The following SLC16A13 variants were observed in gnomAD, a reference collection of about 807,000 sequenced individuals.
SLC16A13 encodes the protein monocarboxylate transporter 13.
Under a neutral mutation model 28.1 loss-of-function variants are expected in SLC16A13, and 28 were observed. The ratio of observed to expected loss-of-function variants is 1.00; its 90% confidence interval spans 0.74 to 1.37. SLC16A13 has a LOEUF of 1.37. Ranked by LOEUF, SLC16A13 falls within the 40% of genes most tolerant of loss-of-function variation. The probability of loss-of-function intolerance (pLI) is 0.00; values close to 1 mark genes in which losing one functional copy is unlikely to be tolerated. For synonymous variants in SLC16A13, 228 were observed against 241.6 expected, an observed-to-expected ratio of 0.94 and a Z score of 0.52; for missense variants, 482 against 531.8, an observed-to-expected ratio of 0.91 and a Z score of 0.92.
At position 7,038,192 on chromosome 17, in the gene SLC16A13, C is replaced by T. The variant is rs1274070855; in HGVS notation, c.384C>T (p.Cys128=). The change falls in exon 3 of 4, where the codon TGC becomes TGT. Residue 128 remains cysteine (C), a synonymous_variant. Coordinates refer to ENST00000308027, the MANE Select transcript of SLC16A13 (RefSeq NM_201566.3). The surrounding 1 kb of genome is among the most constrained non-coding windows in gnomAD (Gnocchi z 5.7). ...TGACCTTCGCTCCGACCCTGGCCTG[C>T]CTGTCCTGTTATTTCTCTCGCCGAC... ...WALTFAPTLA[C]LSCYFSRRRS... The T allele has an allele frequency of 6.2e-7, 1 of 1,614,022 alleles. No homozygotes were observed. Among genetic ancestry groups the T allele is most frequent in the East Asian group, 2.2e-5 (1 of 44,890 alleles).
At chr17:7,037,965 G>A (rs1673171656) in intron 2 of SLC16A13, among the ~76,000 whole-genome samples, 187 bp from the exon 3 acceptor site, 1 of 152,212 alleles carries the variant, frequency 6.6e-6, no homozygotes, top group South Asian at 2.1e-4. Flanking sequence ...AGTTGAGAAG[G>A]TTGAGGCTGG....
In SLC16A13 at chr17:7,039,704, A is replaced by G; in HGVS notation, c.1082-59A>G. 1.3e-6 allele frequency: 2 copies of G among 1,575,978 alleles called. No individual in the cohort carries two copies. The highest frequency in any genetic ancestry group is 1.7e-6 in the Non-Finnish European group (2 of 1,147,966). ...TTCCCTCCACCCAAAAATGTATCTG[A>G]GCCCTCAGCCCCAGCAAATAGATCA... On this transcript the variant is annotated intron_variant, in intron 3 of 3. Transcript: ENST00000308027. This position sits in a 1 kb window ranked among gnomAD's most constrained non-coding sequence, Gnocchi z 4.3.
Position 7,038,909 on chromosome 17 carries a change from CA to C in SLC16A13, c.1081+21del, listed in dbSNP as rs1291192595. 2.5e-6 allele frequency: 4 copies of C among 1,586,530 alleles called. No individual in the cohort carries two copies. The Admixed American group carries it at 7.1e-5, about 28-fold the overall frequency. ...TCTCAGGTAAGTGGAATGGGGTTCCCAGGGGGTGAGGGCTGCCATGTTGCAC... is the reference window on the plus strand; with the variant it reads ...TCTCAGGTAAGTGGAATGGGGTTCCCGGGGGTGAGGGCTGCCATGTTGCAC... On this transcript the variant is annotated intron_variant, in intron 3 of 3. Coordinates refer to ENST00000308027, the MANE Select transcript of SLC16A13 (RefSeq NM_201566.3). The surrounding 1 kb of genome is among the most constrained non-coding windows in gnomAD (Gnocchi z 5.7).
rs1396117170 is a variant in SLC16A13, at chr17:7,039,845, C to T, written c.1164C>T (p.Leu388=). The change falls in exon 4 of 4, where the codon CTC becomes CTT. Residue 388 remains leucine, a synonymous_variant. Transcript: ENST00000308027. This position sits in a 1 kb window ranked among gnomAD's most constrained non-coding sequence, Gnocchi z 4.3. Reference sequence around the variant, plus strand: ...TCCTTCTTTCAGGGAGTGGCATTCTCCTCACCCTGCCCCACTTCTTCTGCT... The same window carrying T: ...TCCTTCTTTCAGGGAGTGGCATTCTTCTCACCCTGCCCCACTTCTTCTGCT... ...GAFLLSGSGI[L]LTLPHFFCFS... The T allele has an allele frequency of 1.9e-6, 3 of 1,614,040 alleles. No individual in the cohort carries two copies.
Position 7,036,308 on chromosome 17 carries a change from G to C in SLC16A13, c.-75G>C. ...CCCGAGCCACCCGGCAGCGGGGGTG[G>C]GTGTGCAGAGGTGCGGCGTCCAGAA... On this transcript the variant is annotated 5_prime_UTR_variant, in exon 1 of 4. Coordinates refer to ENST00000308027, the MANE Select transcript of SLC16A13 (RefSeq NM_201566.3). 6.9e-7 allele frequency: 1 copy of C among 1,452,168 alleles called. No homozygotes were observed. 90.0% of individuals were successfully genotyped at this position (1,452,168 alleles called of 1,614,324 possible). A position where few individuals can be genotyped will look rare whatever the true frequency, so the allele number is the denominator to read the frequency against.
chr17:7,039,429 C>A lies in SLC16A13; in HGVS notation c.1082-334C>A, dbSNP rs1001280195. ...GAGCTGAGATCGCGCCACTGCACTTCAGCCTGGGCGACAGAGCGAGACTCC... is the reference window on the plus strand; with the variant it reads ...GAGCTGAGATCGCGCCACTGCACTTAAGCCTGGGCGACAGAGCGAGACTCC... On this transcript the variant is annotated intron_variant, in intron 3 of 3. Transcript: ENST00000308027. This position sits in a 1 kb window ranked among gnomAD's most constrained non-coding sequence, Gnocchi z 4.3. Among the ~76,000 whole-genome samples, 2 of 149,450 alleles carry A rather than the reference C, an allele frequency of 1.3e-5. No homozygotes were observed. The highest frequency in any genetic ancestry group is 1.5e-5 in the Non-Finnish European group (1 of 67,764).
chr17:7,038,910 AG>A lies in SLC16A13; in HGVS notation c.1081+26del. The A allele has an allele frequency of 6.3e-7, 1 of 1,583,696 alleles. No homozygotes were observed. The highest frequency in any genetic ancestry group is 8.6e-7 in the Non-Finnish European group (1 of 1,165,842). ...CTCAGGTAAGTGGAATGGGGTTCCCAGGGGGTGAGGGCTGCCATGTTGCACA... is the reference window on the plus strand; with the variant it reads ...CTCAGGTAAGTGGAATGGGGTTCCCAGGGGTGAGGGCTGCCATGTTGCACA... On this transcript the variant is annotated intron_variant, in intron 3 of 3. Coordinates refer to ENST00000308027, the MANE Select transcript of SLC16A13 (RefSeq NM_201566.3). This position sits in a 1 kb window ranked among gnomAD's most constrained non-coding sequence, Gnocchi z 5.7.
At position 7,039,878 on chromosome 17, in the gene SLC16A13, T is replaced by C. The variant is rs1337082495; in HGVS notation, c.1197T>C (p.Thr399=). The C allele has an allele frequency of 6.2e-7, 1 of 1,614,130 alleles. No homozygotes were observed. The highest frequency in any genetic ancestry group is 1.1e-5 in the South Asian group (1 of 91,072). Residue 399 remains threonine, a synonymous_variant, in exon 4 of 4, where the codon ACT becomes ACC. Coordinates refer to ENST00000308027, the MANE Select transcript of SLC16A13 (RefSeq NM_201566.3). This position sits in a 1 kb window ranked among gnomAD's most constrained non-coding sequence, Gnocchi z 4.3. ...LTLPHFFCFS[T]TTSGPQDLVT... ...TGCCCCACTTCTTCTGCTTCTCAAC[T>C]ACTACCTCCGGGCCCCAGGACCTTG...
Position 7,039,454 on chromosome 17 carries a change from C to T in SLC16A13, c.1082-309C>T, listed in dbSNP as rs34835356. Among the ~76,000 whole-genome samples the T allele has an allele frequency of 0.074, 10,695 of 144,130 alleles. 566 individuals carry two copies. Among genetic ancestry groups the T allele is most frequent in the Non-Finnish European group, 0.12 (8,009 of 67,022 alleles). 94.6% of individuals were successfully genotyped at this position (144,130 alleles called of 152,430 possible). On this transcript the variant is annotated intron_variant, in intron 3 of 3. Coordinates refer to ENST00000308027, the MANE Select transcript of SLC16A13 (RefSeq NM_201566.3). The surrounding 1 kb of genome is among the most constrained non-coding windows in gnomAD (Gnocchi z 4.3). ...CAGCCTGGGCGACAGAGCGAGACTC[C>T]GTCTCAAAAAAAAAAAAAAAAGAAA...
At position 7,036,745 on chromosome 17, in the gene SLC16A13, T is replaced by A. The variant is rs867188238; in HGVS notation, c.218T>A (p.Leu73Gln). ...QQFGSPVGSA[L>Q]STKFGPRPVV... ...TCCTCAGGCCCGGTAGGCAGTGCCC[T>A]GAGCACGAAGTTCGGGCCCAGGCCC... The change falls in exon 2 of 4, where the codon CTG becomes CAG. Residue 73 changes from leucine (L) to glutamine (Q), a missense_variant. Physicochemically the swap from Leu to Gln is moderately radical, Grantham distance 113. Coordinates refer to ENST00000308027, the MANE Select transcript of SLC16A13 (RefSeq NM_201566.3). The A allele has an allele frequency of 1.2e-6, 2 of 1,613,210 alleles. No homozygotes were observed. The highest frequency in any genetic ancestry group is 1.1e-5 in the South Asian group (1 of 91,084).
chr17:7,038,696 C>T lies in SLC16A13; in HGVS notation c.888C>T (p.Ala296=). ...CCACCTTGACTGGGGTGTCACTAGC[C>T]CTGTTCCCTGTAGCTCAGGCTCCCA... The part of the protein sequence containing the change: ...LWTTLTGVSL[A]LFPVAQAPTA... The change falls in exon 3 of 4, where the codon GCC becomes GCT. Residue 296 remains alanine, a synonymous_variant. Transcript: ENST00000308027. The surrounding 1 kb of genome is among the most constrained non-coding windows in gnomAD (Gnocchi z 5.7). The T allele has an allele frequency of 6.2e-7, 1 of 1,614,176 alleles. No individual in the cohort carries two copies.
rs1567732958 is a variant in SLC16A13, at chr17:7,039,181, A to T, written c.1081+292A>T. On this transcript the variant is annotated intron_variant, in intron 3 of 3. Coordinates refer to ENST00000308027, the MANE Select transcript of SLC16A13 (RefSeq NM_201566.3). This position sits in a 1 kb window ranked among gnomAD's most constrained non-coding sequence, Gnocchi z 4.3. ...TGGCCAGACACAGACGTAGCATTCC[A>T]GTGTGCACCCTTTCCTTTGGCCTAC... Among the ~76,000 whole-genome samples the T allele has an allele frequency of 6.6e-6, 1 of 152,196 alleles. No homozygotes were observed. The highest frequency in any genetic ancestry group is 2.1e-4 in the South Asian group (1 of 4,836).
chr17:7,038,598 G>A lies in SLC16A13; in HGVS notation c.790G>A (p.Val264Met), dbSNP rs745998957. ...CTCAGTTGTTGCTATTTCTGACCTCGTGGGGCGTGTGGTCTCCGGATGGCT... is the reference window on the plus strand; with the variant it reads ...CTCAGTTGTTGCTATTTCTGACCTCATGGGGCGTGTGGTCTCCGGATGGCT... ...LLSVVAISDLVGRVVSGWLGD... is the reference protein window; with the variant it reads ...LLSVVAISDLMGRVVSGWLGD... The change falls in exon 3 of 4, where the codon GTG (valine) becomes ATG (methionine). Residue 264 changes from valine to methionine, a missense_variant. By Grantham distance (21) the Val-to-Met change is conservative. Coordinates refer to ENST00000308027, the MANE Select transcript of SLC16A13 (RefSeq NM_201566.3). This position sits in a 1 kb window ranked among gnomAD's most constrained non-coding sequence, Gnocchi z 5.7. The A allele has an allele frequency of 8.7e-6, 14 of 1,614,056 alleles. No individual in the cohort carries two copies. Among genetic ancestry groups the A allele is most frequent in the Middle Eastern group, 1.6e-4 (1 of 6,084 alleles).
rs1167581008 is a variant in SLC16A13 at position 7,039,317 on chromosome 17, G to C, written c.1081+428G>C. On this transcript the variant is annotated intron_variant, in intron 3 of 3. Transcript: ENST00000308027. The surrounding 1 kb of genome is among the most constrained non-coding windows in gnomAD (Gnocchi z 4.3). ...ACCCATTAACTGAAGCTTTAGAAAGGCCACAGTTGGTGGGCGCCTGTAGTC... is the reference window on the plus strand; with the variant it reads ...ACCCATTAACTGAAGCTTTAGAAAGCCCACAGTTGGTGGGCGCCTGTAGTC... 6.6e-6 allele frequency among the ~76,000 whole-genome samples: 1 copy of C among 152,172 alleles called. No homozygotes were observed. The highest frequency in any genetic ancestry group is 2.4e-5 in the African/African-American group (1 of 41,430).
rs1455267233 is a variant in SLC16A13, at chr17:7,038,227, C to T, written c.419C>T (p.Ala140Val). 5 of 1,614,168 alleles carry T rather than the reference C, an allele frequency of 3.1e-6. No individual in the cohort carries two copies. Among genetic ancestry groups the T allele is most frequent in the Middle Eastern group, 1.6e-4 (1 of 6,062 alleles). ...SCYFSRRRSLATGLALTGVGL... is the reference protein window; with the variant it reads ...SCYFSRRRSLVTGLALTGVGL... ...TATTTCTCTCGCCGACGATCCCTGG[C>T]CACCGGGCTGGCACTGACAGGCGTG... Residue 140 changes from alanine (A) to valine (V), a missense_variant, in exon 3 of 4, where the codon GCC (alanine) becomes GTC (valine). By Grantham distance (64) the Ala-to-Val change is moderately conservative. Coordinates refer to ENST00000308027, the MANE Select transcript of SLC16A13 (RefSeq NM_201566.3). This position sits in a 1 kb window ranked among gnomAD's most constrained non-coding sequence, Gnocchi z 5.7.
In SLC16A13 at chr17:7,036,400, G is replaced by GC. The variant is rs766225805; in HGVS notation, c.24dup (p.Asp9ArgfsTer38). ...CCGCTTAGATGGCGCGCAGGACAGA[G>GC]CCCCCCGACGGGGGCTGGGGATGGG... is the stretch of plus-strand genomic sequence containing the variant. On this transcript the variant is annotated frameshift_variant, in exon 1 of 4. Transcript: ENST00000308027. LOFTEE classifies it high-confidence loss of function. 1.2e-5 allele frequency: 20 copies of GC among 1,611,364 alleles called. No homozygotes were observed. Among genetic ancestry groups the GC allele is most frequent in the Admixed American group, 1.7e-5 (1 of 59,850 alleles).
rs1910582477 is a variant in SLC16A13, at chr17:7,036,454, G to A, written c.72G>A (p.Ser24=). The A allele has an allele frequency of 6.2e-7, 1 of 1,612,220 alleles. No homozygotes were observed. The highest frequency in any genetic ancestry group is 8.5e-7 in the Non-Finnish European group (1 of 1,180,040). Residue 24 remains serine, a synonymous_variant, in exon 1 of 4, where the codon TCG becomes TCA. Transcript: ENST00000308027. ...TGGTGCTCTCAGCGTTCTTCCAGTC[G>A]GCGCTTGTGTTTGGGGTGCTCCGCT... The part of the protein sequence containing the change: ...WVVVLSAFFQ[S]ALVFGVLRSF...
At position 7,036,312 on chromosome 17, in the gene SLC16A13, T is replaced by G; in HGVS notation, c.-71T>G. The G allele has an allele frequency of 1.3e-6, 2 of 1,484,788 alleles. No homozygotes were observed. Among genetic ancestry groups the G allele is most frequent in the Non-Finnish European group, 9.1e-7 (1 of 1,099,570 alleles). 92.0% of individuals were successfully genotyped at this position (1,484,788 alleles called of 1,614,324 possible). The stretch of plus-strand genomic sequence containing the variant: ...AGCCACCCGGCAGCGGGGGTGGGTG[T>G]GCAGAGGTGCGGCGTCCAGAACCCG... On this transcript the variant is annotated 5_prime_UTR_variant, in exon 1 of 4. Transcript: ENST00000308027.
chr17:7,038,116 T>C lies in SLC16A13; in HGVS notation c.344-36T>C, dbSNP rs1910629522. On this transcript the variant is annotated intron_variant, in intron 2 of 3. Transcript: ENST00000308027. This position sits in a 1 kb window ranked among gnomAD's most constrained non-coding sequence, Gnocchi z 5.7. Reference sequence around the variant, plus strand: ...GGATTACTGTGTGCCTTGAGCTCCCTAAGAGTTCTCAACACCACTTCTTCC... The same window carrying C: ...GGATTACTGTGTGCCTTGAGCTCCCCAAGAGTTCTCAACACCACTTCTTCC... The C allele has an allele frequency of 6.3e-7, 1 of 1,586,414 alleles. No homozygotes were observed. The highest frequency in any genetic ancestry group is 2.2e-5 in the East Asian group (1 of 44,664).
Sources: gnomAD v4.1 joint callset for allele counts (sites outside exome capture counted in the v4.1 genomes callset) on GRCh38, gnomAD v4.1.1 for gene constraint, Gnocchi (gnomAD v3.1) non-coding constraint, MANE v1.5 for transcripts, NCBI Gene and HGNC (gene_info 2026-07-23, HGNC 2026-07-21) for gene names.